Variants in SYCP2L observed in about 807,000 individuals in gnomAD.
SYCP2L encodes the protein synaptonemal complex protein 2-like.
A neutral mutation model predicts 125.8 loss-of-function variants in SYCP2L; 98 were observed. That is an observed-to-expected ratio of 0.78 (90% CI 0.66 to 0.92). SYCP2L has a LOEUF of 0.92. SYCP2L is among the 40% of genes least tolerant of loss of function. The pLI, the probability that SYCP2L is intolerant of heterozygous loss-of-function variation, is 0.00. For synonymous variants in SYCP2L, 317 were observed against 325.4 expected (o/e 0.97, Z 0.28); for missense variants, 842 against 936.4 (o/e 0.90, Z 1.32).
In SYCP2L at chr6:10,954,238, T is replaced by C. The variant is rs534507594; in HGVS notation, c.1955-878T>C. ...TACAGTGCGGGGGAGAGAGTGGTTT[T>C]AAGTGGGAGGGATAGACTCGAGTGG... On this transcript the variant is annotated intron_variant, in intron 23 of 29. Transcript: ENST00000283141. This position sits in a 1 kb window ranked among gnomAD's most constrained non-coding sequence, Gnocchi z 4.8. Among the ~76,000 whole-genome samples, 1 of 152,202 alleles carries C rather than the reference T, an allele frequency of 6.6e-6. No individual in the cohort carries two copies. The highest frequency in any genetic ancestry group is 2.4e-5 in the African/African-American group (1 of 41,532).
intron 23 of SYCP2L, among the ~76,000 whole-genome samples, chr6:10,949,848 G>A (rs1254637069): frequency 6.7e-6 from 1 of 150,320 alleles, no homozygotes; most frequent in Non-Finnish European, 1.5e-5. Flanking sequence ...CTTTTAATAG[G>A]AGCAATTAAT....
At chr6:10,972,662 G>A (rs1237814687) in intron 29 of SYCP2L, among the ~76,000 whole-genome samples, 5 of 152,182 alleles carry the variant, frequency 3.3e-5, no homozygotes, top group Non-Finnish European at 5.9e-5. Flanking sequence ...GGTAAAAGAT[G>A]TATGCCAACA....
chr6:10,890,588 T>C (rs1467125247), intron 1 of SYCP2L, among the ~76,000 whole-genome samples: 1 of 152,230 alleles, frequency 6.6e-6, no homozygotes, highest in South Asian at 2.1e-4. Context: ...ATATTCTAGA[T>C]ATTAATGGCT....
At chr6:10,920,690 CACAGGTTTGTT>C (rs1374128724) in intron 14 of SYCP2L, among the ~76,000 whole-genome samples, 7 of 148,050 alleles carry the variant, frequency 4.7e-5, no homozygotes, top group African/African-American at 1.8e-4. Context: ...GGTAAACCTA[CACAGGTTTGTT>C]ACAGGTTTGT....
chr6:10,927,381 T>C lies in SYCP2L; in HGVS notation c.1440+14T>C, dbSNP rs1037518159. 2 of 1,601,538 alleles carry C rather than the reference T, an allele frequency of 1.2e-6. No homozygotes were observed. The highest frequency in any genetic ancestry group is 1.7e-5 in the Admixed American group (1 of 59,556). On this transcript the variant is annotated intron_variant, in intron 17 of 29. Coordinates refer to ENST00000283141, the MANE Select transcript of SYCP2L (RefSeq NM_001040274.3). ...TCTGATAGTCACGTAGGTTCTTTTC[T>C]ATTTTCCCTAAGCATCGGCCAGGTT...
chr6:10,938,867 T>C (rs1781157269), intron 21 of SYCP2L, among the ~76,000 whole-genome samples: 1 of 152,112 alleles, frequency 6.6e-6, no homozygotes, highest in South Asian at 2.1e-4. Flanking sequence ...ATGCCTGTAA[T>C]CCCAGCACTT....
At position 10,887,077 on chromosome 6, in the gene SYCP2L, G is replaced by C. The variant is rs1462040250; in HGVS notation, c.-50G>C. 2 of 1,613,388 alleles carry C rather than the reference G, an allele frequency of 1.2e-6. No individual in the cohort carries two copies. The highest frequency in any genetic ancestry group is 1.7e-5 in the Admixed American group (1 of 59,988). ...GGGGAAGCAGGAGAGGGCCGACCGA[G>C]CGCAACAAAGCTGAGCGGCGCGTCG... On this transcript the variant is annotated 5_prime_UTR_variant, in exon 1 of 30. Transcript: ENST00000283141.
chr6:10,923,380 C>A (rs1484727240), intron 14 of SYCP2L, among the ~76,000 whole-genome samples: 1 of 92,478 alleles, frequency 1.1e-5, no homozygotes, highest in Non-Finnish European at 2.0e-5. Context: ...GAAACACACA[C>A]TTTTTTTTTT....
Position 10,912,802 on chromosome 6 carries a change from T to TAAAA in SYCP2L, c.1011+38_1011+39insAAAA. On this transcript the variant is annotated intron_variant, in intron 13 of 29. Transcript: ENST00000283141. This position sits in a 1 kb window ranked among gnomAD's most constrained non-coding sequence, Gnocchi z 4.1. ...CGATTCTTGGTTAGAACTAAGCCTT[T>TAAAA]AGAGATCTTTTTTATGTAAGTATGT... The TAAAA allele has an allele frequency of 6.2e-7, 1 of 1,608,650 alleles. No individual in the cohort carries two copies. The highest frequency in any genetic ancestry group is 8.5e-7 in the Non-Finnish European group (1 of 1,175,630).
chr6:10,967,695 G>T (rs1781705714), intron 29 of SYCP2L, among the ~76,000 whole-genome samples: 2 of 151,918 alleles, frequency 1.3e-5, no homozygotes, highest in East Asian at 3.8e-4. Context: ...TAAACAATAA[G>T]ACTCTTAGAA....
rs540912810 is a variant in SYCP2L, at chr6:10,939,982, C to A, written c.1814-2477C>A. 2.6e-5 allele frequency among the ~76,000 whole-genome samples: 4 copies of A among 152,206 alleles called. No homozygotes were observed. The South Asian group carries it at 6.2e-4, about 24-fold the overall frequency. ...TAGGGGTTAATATTCAAAATAACTT[C>A]CACAACTCAAAAGCAAGACAACACA... On this transcript the variant is annotated intron_variant, in intron 21 of 29. Coordinates refer to ENST00000283141, the MANE Select transcript of SYCP2L (RefSeq NM_001040274.3).
intron 14 of SYCP2L, among the ~76,000 whole-genome samples, chr6:10,916,414 G>T (rs1207915437): frequency 6.6e-6 from 1 of 152,120 alleles, no homozygotes; most frequent in Non-Finnish European, 1.5e-5. Flanking sequence ...ACCTTAGATT[G>T]TCTGTTTGTG....
chr6:10,971,290 C>T (rs1213916034), intron 29 of SYCP2L, among the ~76,000 whole-genome samples: 1 of 151,772 alleles, frequency 6.6e-6, no homozygotes, highest in East Asian at 1.9e-4. Context: ...AACCCCATCT[C>T]TACTAAAAAT....
Position 10,954,285 on chromosome 6 carries a change from A to G in SYCP2L, c.1955-831A>G, listed in dbSNP as rs569948533. ...GTGGGGTTTGAAGTAAAGATGTCAA[A>G]TACTTGGAGACACAAGTTGGCCGCT... On this transcript the variant is annotated intron_variant, in intron 23 of 29. Coordinates refer to ENST00000283141, the MANE Select transcript of SYCP2L (RefSeq NM_001040274.3). This position sits in a 1 kb window ranked among gnomAD's most constrained non-coding sequence, Gnocchi z 4.8. Among the ~76,000 whole-genome samples, 32 of 152,282 alleles carry G rather than the reference A, an allele frequency of 2.1e-4. No homozygotes were observed. Among genetic ancestry groups the G allele is most frequent in the Non-Finnish European group, 4.4e-4 (30 of 68,006 alleles).
rs1367371323 is a variant in SYCP2L at position 10,912,708 on chromosome 6, T to C, written c.954T>C (p.Phe318=). 6.2e-7 allele frequency: 1 copy of C among 1,613,718 alleles called. No individual in the cohort carries two copies. Among genetic ancestry groups the C allele is most frequent in the East Asian group, 2.2e-5 (1 of 44,852 alleles). ...CAGCGGATGAAAAATTAGAGAAATT[T>C]TGGATCGACTTCAACCTAGGAAGTC... The part of the protein sequence containing the change: ...RKPADEKLEK[F]WIDFNLGSQS... The change falls in exon 13 of 30, where the codon TTT becomes TTC. Residue 318 remains phenylalanine (F), a synonymous_variant. Coordinates refer to ENST00000283141, the MANE Select transcript of SYCP2L (RefSeq NM_001040274.3). This position sits in a 1 kb window ranked among gnomAD's most constrained non-coding sequence, Gnocchi z 4.1.
intron 14 of SYCP2L, among the ~76,000 whole-genome samples, chr6:10,923,203 T>C (rs900433488): frequency 6.6e-6 from 1 of 152,094 alleles, no homozygotes; most frequent in Admixed American, 6.6e-5. Flanking sequence ...TTCCTGGACT[T>C]TGCTGCCTTT....
intron 14 of SYCP2L, among the ~76,000 whole-genome samples, chr6:10,918,657 C>T (rs1780731043): frequency 6.6e-6 from 1 of 152,082 alleles, no homozygotes; most frequent in Non-Finnish European, 1.5e-5. Context: ...ATGCCTCAGC[C>T]TCCCGAGTAG....
At chr6:10,958,988 G>T (rs1581844619) in intron 26 of SYCP2L, 113 bp downstream of exon 26, 3 of 826,716 alleles carry the variant, frequency 3.6e-6, no homozygotes, top group Non-Finnish European at 5.8e-6. Flanking sequence ...GCAGATGTGA[G>T]GATTGATACA....
At position 10,912,454 on chromosome 6, in the gene SYCP2L, A is replaced by T. The variant is rs1032820038; in HGVS notation, c.919-219A>T. On this transcript the variant is annotated intron_variant, in intron 12 of 29. Coordinates refer to ENST00000283141, the MANE Select transcript of SYCP2L (RefSeq NM_001040274.3). The surrounding 1 kb of genome is among the most constrained non-coding windows in gnomAD (Gnocchi z 4.1). ...TAAATATCTATCAAATATGCTAAGG[A>T]TAGTGGGATTTTTGGAGGGGTGAGG... 9.9e-5 allele frequency among the ~76,000 whole-genome samples: 15 copies of T among 152,160 alleles called. No homozygotes were observed. The highest frequency in any genetic ancestry group is 1.8e-4 in the Non-Finnish European group (12 of 68,010).
Sources: gnomAD v4.1 joint callset for allele counts (sites outside exome capture counted in the v4.1 genomes callset) on GRCh38, gnomAD v4.1.1 for gene constraint, Gnocchi (gnomAD v3.1) non-coding constraint, MANE v1.5 for transcripts, NCBI Gene and HGNC (gene_info 2026-07-23, HGNC 2026-07-21) for gene names.